Variants in COL5A3 observed in about 807,000 individuals in gnomAD.
COL5A3 encodes the protein collagen alpha-3(V) chain.
Under a neutral mutation model 250.0 loss-of-function variants are expected in COL5A3, and 172 were observed. The ratio of observed to expected loss-of-function variants is 0.69; its 90% CI spans 0.61 to 0.78. The LOEUF (loss-of-function observed/expected upper bound fraction) is 0.78. COL5A3 is among the 30% of genes least tolerant of loss of function. COL5A3 has a pLI of 0.00. For synonymous variants in COL5A3, 937 were observed against 900.4 expected, an observed-to-expected ratio of 1.04 and a Z score of -0.73; for missense variants, 2,340 against 2,334.4, an observed-to-expected ratio of 1.00 and a Z score of -0.05.
chr19:9,994,913 T>G (rs949765772), intron 16 of COL5A3, among the ~76,000 whole-genome samples: 1 of 151,530 alleles, frequency 6.6e-6, no homozygotes, highest in Non-Finnish European at 1.5e-5. Context: ...TCTTATTTAT[T>G]TATTATTATT....
chr19:9,960,581 G>A lies in COL5A3; in HGVS notation c.5092-24C>T, dbSNP rs151076564. 7.0e-4 allele frequency: 1,127 copies of A among 1,613,854 alleles called. 8 individuals are homozygous for A. The African/African-American group carries it at 0.012, about 17-fold the overall frequency. ...AGCTGTCCCCAGAGAAGACAGAGACGGTGAGTTACCGGGAAGGTGGCCGAC... is the reference window on the plus strand; with the variant it reads ...AGCTGTCCCCAGAGAAGACAGAGACAGTGAGTTACCGGGAAGGTGGCCGAC... On this transcript the variant is annotated intron_variant, in intron 66 of 66. Coordinates refer to ENST00000264828, the MANE Select transcript of COL5A3 (RefSeq NM_015719.4).
chr19:9,991,623 G>C lies in COL5A3; in HGVS notation c.1979C>G (p.Thr660Ser). The C allele has an allele frequency of 6.2e-7, 1 of 1,603,516 alleles. No individual in the cohort carries two copies. Among genetic ancestry groups the C allele is most frequent in the Non-Finnish European group, 8.5e-7 (1 of 1,174,708 alleles). ...GCTGTCACTCACCTTCTCCCCAGGAGTGCCAATGAGTCCCTGGGGACCGGG... is the reference window on the plus strand; with the variant it reads ...GCTGTCACTCACCTTCTCCCCAGGACTGCCAATGAGTCCCTGGGGACCGGG... ...GLPGPQGLIGTPGEKGPPGNP... is the reference protein window; with the variant it reads ...GLPGPQGLIGSPGEKGPPGNP... Residue 660 changes from threonine to serine, a missense_variant, in exon 24 of 67, where the codon ACT becomes AGT. Around this residue, in one of 3 missense-constraint regions of COL5A3, gnomAD observed 1,152 missense variants for 1,146.3 expected, o/e 1.00. Transcript: ENST00000264828.
intron 64 of COL5A3, among the ~76,000 whole-genome samples, chr19:9,963,571 G>A (rs951332538): frequency 4.8e-5 from 5 of 104,430 alleles, no homozygotes; most frequent in Admixed American, 1.1e-4. Flanking sequence ...TGGGGGGGGG[G>A]GCGGGTGGAG....
chr19:9,963,925 T>A (rs1363086798), intron 64 of COL5A3, among the ~76,000 whole-genome samples: 1 of 151,912 alleles, frequency 6.6e-6, no homozygotes, highest in Non-Finnish European at 1.5e-5. Flanking sequence ...TCTCAGCACT[T>A]TGGGAGGCCG....
Position 9,967,910 on chromosome 19 carries a change from C to T in COL5A3, c.4398G>A (p.Gly1466=). ...GGAAGCAGGGTGTACTCACCGGAGA[C>T]CCTTTTGAGCCTTTCTGTCCTAGAG... ...AGPLGQKGSK[G]SPGSMGPRGD... is the part of the protein sequence containing the mutation. The change falls in exon 61 of 67, where the codon GGG becomes GGA. Residue 1466 remains glycine, a synonymous_variant. Transcript: ENST00000264828. 6.2e-7 allele frequency: 1 copy of T among 1,613,252 alleles called. No individual in the cohort carries two copies. The highest frequency in any genetic ancestry group is 1.3e-5 in the African/African-American group (1 of 74,984).
chr19:10,001,147 G>T (rs2087354377), intron 8 of COL5A3, among the ~76,000 whole-genome samples: 2 of 151,452 alleles, frequency 1.3e-5, no homozygotes, highest in African/African-American at 2.4e-5. Context: ...TTTTTAAATT[G>T]TTCGGTTTTT....
In COL5A3 at chr19:9,985,877, C is replaced by T; in HGVS notation, c.2371G>A (p.Gly791Ser). ...AGEKGKLGVP[G>S]LPGYPGRPGP... The stretch of plus-strand genomic sequence containing the variant: ...GGGCGTCCTGGATAACCTGGGAGGC[C>T]TGGCACCCCAAGCTTGCCCTGCAGA... The change falls in exon 31 of 67, where the codon GGC becomes AGC. Residue 791 changes from glycine to serine, a missense_variant. Transcript: ENST00000264828. The T allele has an allele frequency of 6.2e-7, 1 of 1,614,078 alleles. No individual in the cohort carries two copies. The highest frequency in any genetic ancestry group is 2.2e-5 in the East Asian group (1 of 44,882).
intron 55 of COL5A3, 86 bp from the exon 56 acceptor site, chr19:9,969,768 G>C (rs1044165810): frequency 3.2e-6 from 5 of 1,570,608 alleles, no homozygotes; most frequent in Non-Finnish European, 4.4e-6. Context: ...GGATCGGGAG[G>C]GAGTAGGTGC....
At chr19:9,987,161 A>G (rs962285841) in intron 27 of COL5A3, among the ~76,000 whole-genome samples, 2 of 152,164 alleles carry the variant, frequency 1.3e-5, no homozygotes, top group African/African-American at 4.8e-5. Context: ...TTGGCTATGG[A>G]GAGAGCGCTT....
chr19:9,996,825 G>A (rs759944633), intron 11 of COL5A3, 136 bp from the exon 12 acceptor site: 1 of 650,326 alleles, frequency 1.5e-6, no homozygotes, highest in East Asian at 2.9e-5. Flanking sequence ...ATCAAAGAGG[G>A]ATCATGGCAA....
chr19:10,007,545 G>A (rs987247158), intron 1 of COL5A3, among the ~76,000 whole-genome samples: 6 of 151,674 alleles, frequency 4.0e-5, no homozygotes, highest in African/African-American at 9.7e-5. Flanking sequence ...CCTGGGCCCC[G>A]AGCCCCTGTC....
chr19:9,996,958 C>T, intron 11 of COL5A3: 1 of 533,194 alleles, frequency 1.9e-6, no homozygotes, highest in South Asian at 2.5e-5. Context: ...GAGACAGAAA[C>T]AGAGAGACAG....
chr19:9,972,839 A>G, intron 51 of COL5A3, 80 bp downstream of exon 51: 1 of 1,162,304 alleles, frequency 8.6e-7, no homozygotes, highest in Non-Finnish European at 1.2e-6. Context: ...CATCTCAAAA[A>G]AAAAAAAAAG....
rs200984301 is a variant in COL5A3, at chr19:9,973,911, G to T, written c.3558+8C>A. Reference sequence around the variant, plus strand: ...TCTGAGCCTTCCTGGCCCCCCAAGAGTTCTCACCTCTGATCCAGTGGGGCC... The same window carrying T: ...TCTGAGCCTTCCTGGCCCCCCAAGATTTCTCACCTCTGATCCAGTGGGGCC... On this transcript the variant is annotated splice_region_variant and intron_variant, in intron 48 of 66. Coordinates refer to ENST00000264828, the MANE Select transcript of COL5A3 (RefSeq NM_015719.4). 3.1e-5 allele frequency: 49 copies of T among 1,583,302 alleles called. No homozygotes were observed. In the East Asian group the frequency reaches 7.4e-4, roughly 24 times the overall value.
At chr19:9,982,785 C>T (rs370583060) in intron 31 of COL5A3, among the ~76,000 whole-genome samples, 2 of 152,166 alleles carry the variant, frequency 1.3e-5, no homozygotes, top group Non-Finnish European at 2.9e-5. Context: ...CATCCCGCCT[C>T]AAAGCCCATT....
chr19:9,969,990 G>C, intron 54 of COL5A3, 68 bp from the exon 55 acceptor site: 1 of 1,237,890 alleles, frequency 8.1e-7, no homozygotes, highest in South Asian at 1.2e-5. Context: ...AGTGGGGTCT[G>C]GGTGACTGGG....
intron 32 of COL5A3, among the ~76,000 whole-genome samples, chr19:9,981,355 C>T (rs533405503): frequency 5.9e-5 from 9 of 152,286 alleles, no homozygotes; most frequent in East Asian, 5.8e-4. Flanking sequence ...AGAGTACAAA[C>T]GTGCAAGCAT....
intron 62 of COL5A3, among the ~76,000 whole-genome samples, chr19:9,967,058 A>T (rs1053702713): frequency 8.9e-6 from 1 of 112,326 alleles, no homozygotes; most frequent in Admixed American, 9.5e-5. Context: ...GCGCCAGTAT[A>T]GACAGAGACA....
chr19:10,010,411 G>A lies in COL5A3; in HGVS notation c.-26C>T. ...CCCGGCGGGGCCCACGGGCAAGGCG[G>A]GGAACCAGTCGGGGCGGCTGCGGGG... On this transcript the variant is annotated 5_prime_UTR_variant, in exon 1 of 67. Coordinates refer to ENST00000264828, the MANE Select transcript of COL5A3 (RefSeq NM_015719.4). The A allele has an allele frequency of 2.9e-5, 40 of 1,372,682 alleles. No homozygotes were observed. The highest frequency in any genetic ancestry group is 3.8e-5 in the Non-Finnish European group (40 of 1,056,208). The allele number at this position is 1,372,682 out of a possible 1,614,324, so 85.0% of individuals were successfully genotyped here.
Sources: allele counts gnomAD v4.1 joint callset (sites outside exome capture counted in the v4.1 genomes callset), GRCh38; gene constraint gnomAD v4.1.1; regional missense constraint gnomAD v4.1.1; transcripts MANE v1.5; gene names NCBI Gene and HGNC (gene_info 2026-07-23, HGNC 2026-07-21).